The following AKR1D1 variants were observed in gnomAD, a reference collection of about 807,000 sequenced individuals.
AKR1D1 encodes the protein aldo-keto reductase family 1 member D1.
AKR1D1 carries 32 observed loss-of-function variants against 42.6 expected under a neutral mutation model. That is an observed-to-expected ratio of 0.75 (90% confidence interval 0.57 to 1.01). AKR1D1 has a LOEUF of 1.01. AKR1D1 is among the 50% of genes least tolerant of loss of function. The pLI, the probability that AKR1D1 is intolerant of heterozygous loss-of-function variation, is 0.00. For synonymous variants in AKR1D1, 123 were observed against 135.5 expected (o/e 0.91, Z 0.64); for missense variants, 364 against 402.2 (o/e 0.91, Z 0.81).
chr7:138,112,688 A>G (rs1456185591), intron 7 of AKR1D1, among the ~76,000 whole-genome samples: 1 of 151,900 alleles, frequency 6.6e-6, no homozygotes, highest in Non-Finnish European at 1.5e-5. Flanking sequence ...CTTTGCAAAG[A>G]GCGTATATTT....
chr7:138,078,109 G>A (rs949513873), intron 1 of AKR1D1, among the ~76,000 whole-genome samples: 1 of 152,100 alleles, frequency 6.6e-6, no homozygotes. Flanking sequence ...CCACAGGCAG[G>A]TGCCACCATG....
At position 138,088,705 on chromosome 7, in the gene AKR1D1, G is replaced by A. The variant is rs755000415; in HGVS notation, c.198G>A (p.Glu66=). 6 of 1,613,592 alleles carry A rather than the reference G, an allele frequency of 3.7e-6. No individual in the cohort carries two copies. Among genetic ancestry groups the A allele is most frequent in the Non-Finnish European group, 5.1e-6 (6 of 1,179,818 alleles). The part of the protein sequence containing the change: ...YIYQNEHEVG[E]AIREKIAEGK... ...ACCAAAATGAACACGAAGTTGGGGAGGCCATCAGGGAGAAGATAGCAGAAG... is the reference window on the plus strand; with the variant it reads ...ACCAAAATGAACACGAAGTTGGGGAAGCCATCAGGGAGAAGATAGCAGAAG... Residue 66 remains glutamate, a synonymous_variant, in exon 2 of 9, where the codon GAG becomes GAA. Transcript: ENST00000242375.
intron 4 of AKR1D1, 47 bp from the exon 5 acceptor site, chr7:138,105,260 G>C: frequency 6.2e-7 from 1 of 1,613,580 alleles, no homozygotes; most frequent in Non-Finnish European, 8.5e-7. Context: ...ATTCATTCTT[G>C]CTTCTTGTGA....
chr7:138,091,718 C>T (rs867053767), intron 2 of AKR1D1, 50 bp from the exon 3 acceptor site: 7 of 1,395,256 alleles, frequency 5.0e-6, no homozygotes, highest in South Asian at 1.2e-5. Context: ...GCTGCCTTAT[C>T]GTAAAAAGCG....
At chr7:138,088,397 T>C (rs372988507) in intron 1 of AKR1D1, among the ~76,000 whole-genome samples, 126 of 152,284 alleles carry the variant, frequency 8.3e-4, no homozygotes, top group African/African-American at 3.0e-3. Flanking sequence ...CTGGGACAGA[T>C]GGTGTCTCCC....
At chr7:138,079,412 C>T (rs1803007194) in intron 1 of AKR1D1, among the ~76,000 whole-genome samples, 1 of 152,058 alleles carries the variant, frequency 6.6e-6, no homozygotes, top group African/African-American at 2.4e-5. Flanking sequence ...GCAAGCAATG[C>T]CTTATTTTCC....
At chr7:138,078,274 T>C (rs545837545) in intron 1 of AKR1D1, among the ~76,000 whole-genome samples, 1 of 152,280 alleles carries the variant, frequency 6.6e-6, no homozygotes, top group East Asian at 1.9e-4. Flanking sequence ...GAGTTGGAAC[T>C]TCGTTCTATA....
chr7:138,104,306 T>C (rs1007175748), intron 4 of AKR1D1, among the ~76,000 whole-genome samples: 4 of 152,152 alleles, frequency 2.6e-5, no homozygotes. Context: ...TGTGTGTATG[T>C]ATATTTACAT....
chr7:138,083,419 G>T (rs1803099479), intron 1 of AKR1D1, among the ~76,000 whole-genome samples: 1 of 151,880 alleles, frequency 6.6e-6, no homozygotes, highest in Non-Finnish European at 1.5e-5. Flanking sequence ...GTTTTGTTTT[G>T]TTTTGTTTGT....
intron 1 of AKR1D1, among the ~76,000 whole-genome samples, chr7:138,084,809 A>G (rs10259579): frequency 6.6e-6 from 1 of 152,028 alleles, no homozygotes; most frequent in African/African-American, 2.4e-5. Context: ...TGTAATCCCA[A>G]CACTTTGGGA....
At chr7:138,086,990 C>T (rs1803195264) in intron 1 of AKR1D1, among the ~76,000 whole-genome samples, 1 of 152,200 alleles carries the variant, frequency 6.6e-6, no homozygotes, top group Non-Finnish European at 1.5e-5. Context: ...GCCATCATAA[C>T]TGAGGCATAG....
chr7:138,079,453 A>C (rs1377872067), intron 1 of AKR1D1, among the ~76,000 whole-genome samples: 1 of 152,174 alleles, frequency 6.6e-6, no homozygotes, highest in African/African-American at 2.4e-5. Flanking sequence ...AAGAAAAAAC[A>C]CAAGCAACTA....
intron 1 of AKR1D1, among the ~76,000 whole-genome samples, chr7:138,076,928 G>GT (rs562404719): frequency 8.6e-5 from 13 of 151,972 alleles, no homozygotes; most frequent in East Asian, 3.9e-4. Flanking sequence ...TATGACTTGT[G>GT]TTTTTTTTAT....
Position 138,097,957 on chromosome 7 carries a change from T to C in AKR1D1, c.456+14T>C, listed in dbSNP as rs1301296048. ...GCCACTTGGGAGGTAAGTTCAAATG[T>C]GCTTCTTATTTTAAAAGACGATATT... is the stretch of plus-strand genomic sequence containing the variant. On this transcript the variant is annotated intron_variant, in intron 4 of 8. Coordinates refer to ENST00000242375, the MANE Select transcript of AKR1D1 (RefSeq NM_005989.4). 4 of 1,591,674 alleles carry C rather than the reference T, an allele frequency of 2.5e-6. No individual in the cohort carries two copies. The South Asian group carries it at 4.4e-5, about 18-fold the overall frequency.
chr7:138,114,996 T>C (rs548726019), intron 8 of AKR1D1, among the ~76,000 whole-genome samples: 1 of 152,250 alleles, frequency 6.6e-6, no homozygotes, highest in South Asian at 2.1e-4. Flanking sequence ...AGGGGGAAAA[T>C]TGTTTGACAT....
At chr7:138,099,137 C>T (rs189233355) in intron 4 of AKR1D1, among the ~76,000 whole-genome samples, 3 of 152,144 alleles carry the variant, frequency 2.0e-5, no homozygotes, top group East Asian at 1.9e-4. Context: ...TTTCGAGGGG[C>T]GAGGAGGAAT....
chr7:138,097,854 T>C lies in AKR1D1; in HGVS notation c.379-12T>C, dbSNP rs1191975344. On this transcript the variant is annotated splice_polypyrimidine_tract_variant and intron_variant, in intron 3 of 8. Transcript: ENST00000242375. ...AAATGAATTACATTTATTCTTTTTT[T>C]TTTTTTTTCAGCCAGGAGATGAAAT... 4 of 1,579,770 alleles carry C rather than the reference T, an allele frequency of 2.5e-6. No individual in the cohort carries two copies. The African/African-American group carries it at 4.1e-5, about 16-fold the overall frequency.
At chr7:138,109,875 C>T (rs1053050364) in intron 7 of AKR1D1, among the ~76,000 whole-genome samples, 1 of 152,162 alleles carries the variant, frequency 6.6e-6, no homozygotes, top group Admixed American at 6.5e-5. Flanking sequence ...CGATGGAAAG[C>T]ATTTGGACTT....
At chr7:138,095,366 G>C (rs763780184) in intron 3 of AKR1D1, among the ~76,000 whole-genome samples, 1 of 152,226 alleles carries the variant, frequency 6.6e-6, no homozygotes, top group Non-Finnish European at 1.5e-5. Flanking sequence ...TGGCATCAAG[G>C]AGAAAAGGGA....
Sources: allele counts gnomAD v4.1 joint callset (sites outside exome capture counted in the v4.1 genomes callset), GRCh38; gene constraint gnomAD v4.1.1; transcripts MANE v1.5; gene names NCBI Gene and HGNC (gene_info 2026-07-23, HGNC 2026-07-21).